The following PCDH9 variants were observed in gnomAD, a reference collection of about 807,000 sequenced individuals.
PCDH9 encodes protocadherin-9.
A neutral mutation model predicts 70.6 loss-of-function variants in PCDH9; 24 were observed. The observed-to-expected ratio is 0.34, with a 90% CI of 0.25 to 0.48. The LOEUF (loss-of-function observed/expected upper bound fraction) is 0.48. Ranked by LOEUF, PCDH9 falls within the 20% of genes least tolerant of loss-of-function variation. PCDH9 has a pLI of 0.99. For synonymous variants in PCDH9, 562 were observed against 558.5 expected, an observed-to-expected ratio of 1.01 and a Z score of -0.09; for missense variants, 1,281 against 1,503.6, an observed-to-expected ratio of 0.85 and a Z score of 2.45.
At chr13:66,659,606 G>A (rs1441759323) in intron 3 of PCDH9, among the ~76,000 whole-genome samples, 4 of 147,036 alleles carry the variant, frequency 2.7e-5, no homozygotes, top group Non-Finnish European at 4.5e-5. Context: ...TCTTTCGCAG[G>A]TTTTAATTTT....
intron 4 of PCDH9, among the ~76,000 whole-genome samples, chr13:66,376,541 C>T (rs1383938025): frequency 2.6e-5 from 4 of 151,662 alleles, no homozygotes; most frequent in Non-Finnish European, 5.9e-5. Flanking sequence ...GACTTTTTTT[C>T]ATGAAAACTA....
chr13:66,386,144 G>T (rs972121850), intron 4 of PCDH9, among the ~76,000 whole-genome samples: 12 of 152,048 alleles, frequency 7.9e-5, no homozygotes, highest in African/African-American at 1.4e-4. Context: ...GTTCAAAACA[G>T]TACTGTGTCT....
rs1555324398 is a variant in PCDH9, at chr13:66,708,404, T to TGG, written c.3139-76994_3139-76993insCC. Among the ~76,000 whole-genome samples, 122 of 16,896 alleles carry TGG rather than the reference T, an allele frequency of 7.2e-3. 1 individual carries two copies. Among genetic ancestry groups the TGG allele is most frequent in the South Asian group, 0.013 (2 of 156 alleles). The allele number at this position is 16,896 out of a possible 152,430, so 11.1% of individuals were successfully genotyped here. A position where few individuals can be genotyped will look rare whatever the true frequency, so the allele number is the denominator to read the frequency against. On this transcript the variant is annotated intron_variant, in intron 3 of 4. Coordinates refer to ENST00000377865, the MANE Select transcript of PCDH9 (RefSeq NM_203487.3). ...CTTTCAAGTGTACTTTGAGATTTAG[T>TGG]TTTTTTTTTTTTTTTTCTTTCTTAG...
intron 4 of PCDH9, among the ~76,000 whole-genome samples, chr13:66,400,290 C>T (rs878901767): frequency 6.6e-6 from 1 of 152,156 alleles, no homozygotes; most frequent in Admixed American, 6.6e-5. Context: ...AGAATGAAAA[C>T]TGCTGATATG....
At chr13:66,429,313 T>C (rs1353039755) in intron 4 of PCDH9, among the ~76,000 whole-genome samples, 1 of 151,692 alleles carries the variant, frequency 6.6e-6, no homozygotes, top group Non-Finnish European at 1.5e-5. Flanking sequence ...CTAATGTCAT[T>C]TCCCAAAGAA....
At chr13:66,970,835 G>A (rs1594328869) in intron 2 of PCDH9, among the ~76,000 whole-genome samples, 1 of 151,892 alleles carries the variant, frequency 6.6e-6, no homozygotes, top group South Asian at 2.1e-4. Context: ...ACAAGTCACT[G>A]AGGGCATCTG....
chr13:66,818,291 C>T (rs1223125435), intron 3 of PCDH9, among the ~76,000 whole-genome samples: 1 of 151,996 alleles, frequency 6.6e-6, no homozygotes, highest in Non-Finnish European at 1.5e-5. Flanking sequence ...CTAAAAATTC[C>T]ATTTTATATT....
chr13:66,359,480 GA>G (rs985899740), intron 4 of PCDH9, among the ~76,000 whole-genome samples: 7 of 151,902 alleles, frequency 4.6e-5, no homozygotes, highest in Non-Finnish European at 8.8e-5. Context: ...GCATAAAGGG[GA>G]AAAAAATTCA....
At chr13:66,593,087 G>C (rs1022942008) in intron 4 of PCDH9, among the ~76,000 whole-genome samples, 4 of 151,576 alleles carry the variant, frequency 2.6e-5, no homozygotes, top group Non-Finnish European at 5.9e-5. Context: ...CTCTATCAAT[G>C]GTTCTGTAAT....
intron 2 of PCDH9, among the ~76,000 whole-genome samples, chr13:66,909,347 T>G (rs751777742): frequency 7.9e-5 from 12 of 152,062 alleles, no homozygotes; most frequent in Non-Finnish European, 1.8e-4. Flanking sequence ...GAAGGATTAA[T>G]GTTGTTAAAA....
chr13:66,395,814 A>G (rs1957093260), intron 4 of PCDH9, among the ~76,000 whole-genome samples: 1 of 152,132 alleles, frequency 6.6e-6, no homozygotes. Context: ...AAAACTGCAA[A>G]AAATGCTCTT....
At chr13:67,206,679 G>A (rs578185948) in intron 2 of PCDH9, 2 of 152,316 alleles carry the variant, frequency 1.3e-5, no homozygotes, top group Non-Finnish European at 2.9e-5. Context: ...TTGCAGATAA[G>A]TTGGAGGAGG....
chr13:67,214,741 A>T (rs1252056918), intron 2 of PCDH9: 3 of 151,726 alleles, frequency 2.0e-5, no homozygotes, highest in African/African-American at 7.3e-5. Context: ...GTGTTTTAAC[A>T]CAAAAGCAGA....
chr13:67,196,579 A>G (rs2089070611), intron 2 of PCDH9, among the ~76,000 whole-genome samples: 2 of 152,112 alleles, frequency 1.3e-5, no homozygotes, highest in Admixed American at 1.3e-4. Context: ...CTCTGCGTAT[A>G]TGACAAATAC....
chr13:67,140,036 CCCG>C (rs2087340855), intron 2 of PCDH9, among the ~76,000 whole-genome samples: 1 of 131,362 alleles, frequency 7.6e-6, no homozygotes, highest in African/African-American at 2.8e-5. Flanking sequence ...CCCCCCCCCC[CCCG>C]CCCATTGTGT....
chr13:66,961,136 TA>T (rs1405637637), intron 2 of PCDH9, among the ~76,000 whole-genome samples: 1 of 152,276 alleles, frequency 6.6e-6, no homozygotes, highest in East Asian at 1.9e-4. Flanking sequence ...AGTTTAAAAA[TA>T]AAACCAAAAC....
chr13:66,650,433 G>A (rs188655637), intron 3 of PCDH9, among the ~76,000 whole-genome samples: 22 of 151,984 alleles, frequency 1.4e-4, no homozygotes, highest in African/African-American at 4.1e-4. Flanking sequence ...TATACCAATT[G>A]TAAATATATA....
At chr13:67,201,555 A>T (rs2089212796) in intron 2 of PCDH9, 1 of 151,962 alleles carries the variant, frequency 6.6e-6, no homozygotes, top group African/African-American at 2.4e-5. Context: ...TTTATTGATA[A>T]ATTATCCATA....
chr13:66,542,807 A>G (rs1477323773), intron 4 of PCDH9, among the ~76,000 whole-genome samples: 1 of 147,844 alleles, frequency 6.8e-6, no homozygotes, highest in Non-Finnish European at 1.5e-5. Flanking sequence ...ATATATAAAT[A>G]TATATATCTA....
Sources: allele counts gnomAD v4.1 joint callset (sites outside exome capture counted in the v4.1 genomes callset), GRCh38; gene constraint gnomAD v4.1.1; transcripts MANE v1.5; gene names NCBI Gene and HGNC (gene_info 2026-07-23, HGNC 2026-07-21).